The following IL23R variants were observed in gnomAD, a reference collection of about 807,000 sequenced individuals.
The protein encoded by IL23R is interleukin-23 receptor.
A neutral mutation model predicts 56.9 loss-of-function variants in IL23R; 34 were observed. The observed-to-expected ratio is 0.60, with a 90% CI of 0.45 to 0.80. IL23R has a LOEUF of 0.80. IL23R is among the 30% of genes least tolerant of loss of function. The probability of loss-of-function intolerance (pLI) is 0.00; values close to 1 mark genes in which losing one functional copy is unlikely to be tolerated. For missense variants in IL23R, 635 were observed against 730.0 expected, an observed-to-expected ratio of 0.87 and a Z score of 1.50; for synonymous variants, 230 against 249.2, an observed-to-expected ratio of 0.92 and a Z score of 0.73.
chr1:67,218,103 A>C (rs1649970756), intron 6 of IL23R, among the ~76,000 whole-genome samples: 1 of 152,200 alleles, frequency 6.6e-6, no homozygotes, highest in South Asian at 2.1e-4. Context: ...TCTTTCTGCC[A>C]ACTGAAACAG....
In IL23R at chr1:67,193,952, G is replaced by C. The variant is rs148778567; in HGVS notation, c.492-6785G>C. 2.4e-3 allele frequency among the ~76,000 whole-genome samples: 369 copies of C among 152,310 alleles called. 1 individual carries two copies. The highest frequency in any genetic ancestry group is 8.4e-3 in the African/African-American group (351 of 41,576). On this transcript the variant is annotated intron_variant, in intron 4 of 10. Transcript: ENST00000347310. Reference sequence around the variant, plus strand: ...GCTTTTGACCAACCGGCTAAAAATTGTGGTTTCCACGATACACTCCTCAGG... The same window carrying C: ...GCTTTTGACCAACCGGCTAAAAATTCTGGTTTCCACGATACACTCCTCAGG...
intron 1 of IL23R, among the ~76,000 whole-genome samples, chr1:67,152,695 A>G (rs1011192106): frequency 2.0e-5 from 3 of 152,072 alleles, no homozygotes; most frequent in African/African-American, 7.2e-5. Flanking sequence ...TTCTGCGTCT[A>G]TTGAGATAAT....
chr1:67,181,051 C>T (rs1266770362), intron 3 of IL23R, among the ~76,000 whole-genome samples: 1 of 152,184 alleles, frequency 6.6e-6, no homozygotes, highest in Non-Finnish European at 1.5e-5. Flanking sequence ...CTGTGCTTAA[C>T]ATTTTTTCCT....
intron 7 of IL23R, among the ~76,000 whole-genome samples, chr1:67,228,362 C>CTTTTTTTTTTTTT (rs1558254618): frequency 9.8e-4 from 39 of 39,878 alleles, no homozygotes; most frequent in African/African-American, 2.6e-3. Flanking sequence ...TTTTTTTCTT[C>CTTTTTTTTTTTTT]CTTTTTTTTT....
intron 4 of IL23R, among the ~76,000 whole-genome samples, chr1:67,186,137 A>G (rs115454554): frequency 0.016 from 2,508 of 152,262 alleles, 65 homozygotes; most frequent in African/African-American, 0.057. Context: ...CTCATTGCTA[A>G]GTCAACTTTA....
At chr1:67,260,675 A>G (rs1418607911), downstream of IL23R, among the ~76,000 whole-genome samples, 1 of 152,202 alleles carries the variant, frequency 6.6e-6, no homozygotes, top group Non-Finnish European at 1.5e-5. Flanking sequence ...AATGTTACCC[A>G]GCAGACTATT....
intron 6 of IL23R, among the ~76,000 whole-genome samples, chr1:67,207,912 G>T (rs1649195342): frequency 6.6e-6 from 1 of 152,192 alleles, no homozygotes; most frequent in African/African-American, 2.4e-5. Flanking sequence ...GGGAAATTTG[G>T]AACTTCCTGG....
chr1:67,260,887 AAAAT>A (rs756659686), downstream of IL23R, among the ~76,000 whole-genome samples: 16 of 152,278 alleles, frequency 1.1e-4, no homozygotes, highest in East Asian at 5.8e-4. Flanking sequence ...CCGTCTCTAA[AAAAT>A]AAATAAATAT....
At chr1:67,157,447 G>T (rs569375487) in intron 1 of IL23R, among the ~76,000 whole-genome samples, 1 of 151,652 alleles carries the variant, frequency 6.6e-6, no homozygotes, top group African/African-American at 2.4e-5. Context: ...CCCTTCAACA[G>T]CTTCCCATCT....
At chr1:67,258,072 T>A (rs1265658277) in intron 10 of IL23R, among the ~76,000 whole-genome samples, 1 of 152,164 alleles carries the variant, frequency 6.6e-6, no homozygotes, top group East Asian at 1.9e-4. Context: ...AACCTTTTTT[T>A]ATTTAAGCAA....
intron 6 of IL23R, among the ~76,000 whole-genome samples, chr1:67,213,366 C>T (rs1411876068): frequency 6.6e-6 from 1 of 152,160 alleles, no homozygotes; most frequent in African/African-American, 2.4e-5. Flanking sequence ...CTAGGGGAGC[C>T]ATGCAGCAGG....
intron 1 of IL23R, among the ~76,000 whole-genome samples, chr1:67,157,406 A>T (rs1570762179): frequency 6.6e-6 from 1 of 152,306 alleles, no homozygotes; most frequent in East Asian, 1.9e-4. Context: ...GAATCTGTAG[A>T]ATAAAATTGT....
intron 9 of IL23R, among the ~76,000 whole-genome samples, chr1:67,253,181 A>G (rs950017647): frequency 1.1e-4 from 17 of 152,184 alleles, no homozygotes; most frequent in African/African-American, 4.1e-4. Context: ...TCAATTCCTT[A>G]CCAATTGTTT....
In IL23R at chr1:67,159,554, C is replaced by T. The variant is rs550341088; in HGVS notation, c.-633-8538C>T. Reference sequence around the variant, plus strand: ...GTAGTTCTTTATAACAGTGTGAGAACAAACTAATACAAGTATATAAGTCAG... The same window carrying T: ...GTAGTTCTTTATAACAGTGTGAGAATAAACTAATACAAGTATATAAGTCAG... On this transcript the variant is annotated intron_variant, in intron 1 of 10. Transcript: ENST00000637002. Among the ~76,000 whole-genome samples the T allele has an allele frequency of 2.0e-5, 3 of 152,210 alleles. No homozygotes were observed. In the South Asian group the frequency reaches 6.2e-4, roughly 32 times the overall value.
At chr1:67,202,505 T>C (rs943270974) in intron 5 of IL23R, among the ~76,000 whole-genome samples, 1 of 152,226 alleles carries the variant, frequency 6.6e-6, no homozygotes, top group Non-Finnish European at 1.5e-5. Context: ...CCCAAAGTGT[T>C]AGGATTACAG....
chr1:67,140,890 G>A (rs778728153), intron 1 of IL23R, among the ~76,000 whole-genome samples: 1 of 151,982 alleles, frequency 6.6e-6, no homozygotes, highest in Non-Finnish European at 1.5e-5. Context: ...AATGAATTTA[G>A]AGATATTAAA....
chr1:67,247,695 C>T (rs944500295), intron 9 of IL23R, among the ~76,000 whole-genome samples: 8 of 152,062 alleles, frequency 5.3e-5, no homozygotes, highest in Admixed American at 2.6e-4. Context: ...TTAGTTGATG[C>T]GGTTTCTTCA....
chr1:67,178,200 A>AGATTCAATTTATATATATAGGGCTTCGAC (rs1558228171), intron 3 of IL23R, among the ~76,000 whole-genome samples: 1 of 152,058 alleles, frequency 6.6e-6, no homozygotes, highest in Admixed American at 6.6e-5. Context: ...TCTATAAATT[A>AGATTCAATTTATATATATAGGGCTTCGAC]CCTTGGGCAG....
chr1:67,251,820 G>T (rs1318632037), intron 9 of IL23R, among the ~76,000 whole-genome samples: 1 of 152,146 alleles, frequency 6.6e-6, no homozygotes, highest in African/African-American at 2.4e-5. Context: ...TCTCCATTGT[G>T]CTTCCCAGAA....
Sources: allele counts gnomAD v4.1 joint callset (sites outside exome capture counted in the v4.1 genomes callset), GRCh38; gene constraint gnomAD v4.1.1; transcripts MANE v1.5; gene names NCBI Gene and HGNC (gene_info 2026-07-23, HGNC 2026-07-21).